Variants in ZNF853 observed in about 807,000 individuals in gnomAD.
ZNF853 encodes the protein zinc finger protein 853.
Under a neutral mutation model 94.7 loss-of-function variants are expected in ZNF853, and 57 were observed. The observed-to-expected ratio is 0.60, with a 90% CI of 0.49 to 0.75. ZNF853 has a LOEUF of 0.75. ZNF853 is among the 30% of genes least tolerant of loss of function. ZNF853 has a pLI of 0.00. For missense variants in ZNF853, 785 were observed against 868.9 expected (o/e 0.90, Z 1.21); for synonymous variants, 448 against 406.3 (o/e 1.10, Z -1.23).
In ZNF853 at chr7:6,617,193, A is replaced by G; in HGVS notation, c.16A>G (p.Thr6Ala). 1 of 1,542,138 alleles carries G rather than the reference A, an allele frequency of 6.5e-7. No homozygotes were observed. Among genetic ancestry groups the G allele is most frequent in the East Asian group, 2.5e-5 (1 of 40,526 alleles). Residue 6 changes from threonine to alanine, a missense_variant, in exon 2 of 3, where the codon ACT becomes GCT. Coordinates refer to ENST00000457543, the MANE Select transcript of ZNF853 (RefSeq NM_017560.3). MLHQP[T>A]PGNRGLTARM... is the part of the protein sequence containing the mutation. ...TGCTTCCTTCCTTTCAGCACAGCCG[A>G]CTCCCGGGAATCGGGGTCTGACCGC... is the stretch of plus-strand genomic sequence containing the variant.
chr7:6,623,108 A>C lies in ZNF853; in HGVS notation c.*137A>C. On this transcript the variant is annotated 3_prime_UTR_variant, in exon 3 of 3. Transcript: ENST00000457543. ...GTAAAAGGCTTCCACCATCATCATC[A>C]TCATCATCTTCCGGATTCCCTGAGA... 2.9e-6 allele frequency: 2 copies of C among 689,684 alleles called. No individual in the cohort carries two copies. The highest frequency in any genetic ancestry group is 4.1e-6 in the Non-Finnish European group (2 of 491,876). The allele number at this position is 689,684 out of a possible 1,614,324, so 42.7% of individuals were successfully genotyped here. A position where few individuals can be genotyped will look rare whatever the true frequency, so the allele number is the denominator to read the frequency against.
At chr7:6,617,783 C>T in intron 2 of ZNF853, 4 of 329,740 alleles carry the variant, frequency 1.2e-5, no homozygotes, top group Non-Finnish European at 1.7e-5. Context: ...ATCTGTTTTT[C>T]TCTACCTGAT....
intron 2 of ZNF853, among the ~76,000 whole-genome samples, chr7:6,620,779 A>T: frequency 6.6e-6 from 1 of 151,878 alleles, no homozygotes; most frequent in African/African-American, 2.4e-5. Flanking sequence ...CTGGCAGCTA[A>T]TTTTTTGTAT....
rs1315628283 is a variant in ZNF853 at position 6,615,691 on chromosome 7, G to GCCCGC, written c.-475_-471dup. ...CAGGGGGACCCGGCCTTGCCGCGGC[G>GCCCGC]CCCGCCCCGCCCCCGCCCCGGCCCC... On this transcript the variant is annotated 5_prime_UTR_variant, in exon 1 of 3. Transcript: ENST00000457543. This position sits in a 1 kb window ranked among gnomAD's most constrained non-coding sequence, Gnocchi z 8.5. The GCCCGC allele has an allele frequency of 1.4e-5, 2 of 142,186 alleles. No individual in the cohort carries two copies. The highest frequency in any genetic ancestry group is 2.1e-4 in the South Asian group (1 of 4,854). 8.8% of individuals were successfully genotyped at this position (142,186 alleles called of 1,614,324 possible). A position where few individuals can be genotyped will look rare whatever the true frequency, so the allele number is the denominator to read the frequency against.
chr7:6,620,357 T>G, intron 2 of ZNF853, among the ~76,000 whole-genome samples: 2 of 152,184 alleles, frequency 1.3e-5, no homozygotes, highest in African/African-American at 4.8e-5. Context: ...GTTGATGGCT[T>G]GGCCGTTGGG....
At chr7:6,619,232 G>A in intron 2 of ZNF853, among the ~76,000 whole-genome samples, 3 of 151,262 alleles carry the variant, frequency 2.0e-5, no homozygotes, top group Non-Finnish European at 4.4e-5. Flanking sequence ...TAGAGACAGG[G>A]TTTCACTATG....
intron 1 of ZNF853, 47 bp from the exon 2 acceptor site, chr7:6,617,143 T>A: frequency 1.4e-6 from 2 of 1,461,216 alleles, no homozygotes; most frequent in Non-Finnish European, 1.8e-6. Flanking sequence ...CTGGCGGGGG[T>A]CAAAGCACTC....
Position 6,622,936 on chromosome 7 carries a change from G to T in ZNF853, c.1945G>T (p.Ala649Ser). The T allele has an allele frequency of 8.0e-7, 1 of 1,251,386 alleles. No homozygotes were observed. Among genetic ancestry groups the T allele is most frequent in the Non-Finnish European group, 1.0e-6 (1 of 1,000,304 alleles). The allele number at this position is 1,251,386 out of a possible 1,614,324, so 77.5% of individuals were successfully genotyped here. A position where few individuals can be genotyped will look rare whatever the true frequency, so the allele number is the denominator to read the frequency against. ...LGGPARAEQA[A>S]TATAPADKAL ...TGGCCCAGCCCGCGCGGAGCAGGCCGCTACAGCCACTGCGCCCGCAGACAA... is the reference window on the plus strand; with the variant it reads ...TGGCCCAGCCCGCGCGGAGCAGGCCTCTACAGCCACTGCGCCCGCAGACAA... Residue 649 changes from alanine (A) to serine (S), a missense_variant, in exon 3 of 3, where the codon GCT (alanine) becomes TCT (serine). Physicochemically the swap from Ala to Ser is moderately conservative, Grantham distance 99. Transcript: ENST00000457543.
intron 1 of ZNF853, 53 bp from the exon 2 acceptor site, chr7:6,617,137 C>CA: frequency 7.0e-7 from 1 of 1,431,188 alleles, no homozygotes; most frequent in Non-Finnish European, 9.4e-7. Flanking sequence ...GGGCACCTGG[C>CA]GGGGGTCAAA....
Position 6,622,098 on chromosome 7 carries a change from G to C in ZNF853, c.1107G>C (p.Glu369Asp). The C allele has an allele frequency of 6.5e-7, 1 of 1,546,520 alleles. No homozygotes were observed. The highest frequency in any genetic ancestry group is 8.7e-7 in the Non-Finnish European group (1 of 1,146,706). Reference protein sequence around the residue: ...LKLQEELQQLEQQLEQQQQQL... With the variant: ...LKLQEELQQLDQQLEQQQQQL... ...TGCAGGAGGAGCTGCAGCAGCTGGA[G>C]CAACAGCTGGAGCAGCAGCAGCAGC... is the stretch of plus-strand genomic sequence containing the variant. The change falls in exon 3 of 3, where the codon GAG (glutamate) becomes GAC (aspartate). Residue 369 changes from glutamate to aspartate, a missense_variant. Physicochemically the swap from Glu to Asp is conservative, Grantham distance 45. Transcript: ENST00000457543.
rs1782620596 is a variant in ZNF853, at chr7:6,621,903, GCAA to G, written c.917_919del (p.Gln306del). 6.4e-7 allele frequency: 1 copy of G among 1,551,080 alleles called. No individual in the cohort carries two copies. The highest frequency in any genetic ancestry group is 1.2e-5 in the South Asian group (1 of 84,026). On this transcript the variant is annotated inframe_deletion, in exon 3 of 3. Transcript: ENST00000457543. ...AACAGCAGCAGGAACAATTGCAGCA[GCAA>G]CAACTGCAGCCTCCTCCCCTGGAGC...
chr7:6,617,416 G>T, intron 2 of ZNF853, 109 bp downstream of exon 2: 1 of 976,914 alleles, frequency 1.0e-6, no homozygotes, highest in Non-Finnish European at 1.4e-6. Context: ...GCCAACCTCA[G>T]CTGCATTGAG....
Position 6,623,580 on chromosome 7 carries a change from T to G in ZNF853, c.*609T>G. 2 of 366,326 alleles carry G rather than the reference T, an allele frequency of 5.5e-6. No homozygotes were observed. Among genetic ancestry groups the G allele is most frequent in the East Asian group, 3.9e-5 (1 of 25,414 alleles). The allele number at this position is 366,326 out of a possible 1,614,324, so 22.7% of individuals were successfully genotyped here. On this transcript the variant is annotated 3_prime_UTR_variant, in exon 3 of 3. Coordinates refer to ENST00000457543, the MANE Select transcript of ZNF853 (RefSeq NM_017560.3). ...GTTCATCAACACAGGGTCAGAGCGC[T>G]CACCGGGTCGATGTGCAAATCCAAG...
chr7:6,618,489 G>T, intron 2 of ZNF853, among the ~76,000 whole-genome samples: 1 of 151,902 alleles, frequency 6.6e-6, no homozygotes, highest in East Asian at 1.9e-4. Context: ...CAGGTGGATC[G>T]CTTGAGCTCA....
chr7:6,621,011 A>C, intron 2 of ZNF853, 111 bp from the exon 3 acceptor site: 5 of 1,338,110 alleles, frequency 3.7e-6, no homozygotes, highest in Non-Finnish European at 4.9e-6. Flanking sequence ...GCTCCTGCTA[A>C]GAGCGTGTTA....
chr7:6,620,984 C>A, intron 2 of ZNF853, 138 bp from the exon 3 acceptor site: 1 of 1,120,998 alleles, frequency 8.9e-7, no homozygotes, highest in Non-Finnish European at 1.2e-6. Flanking sequence ...TATTGTTACT[C>A]GATCCAGCAC....
At position 6,615,918 on chromosome 7, in the gene ZNF853, AG is replaced by A. The variant is rs1782494833; in HGVS notation, c.-256del. 2.8e-6 allele frequency: 1 copy of A among 361,646 alleles called. No homozygotes were observed. Among genetic ancestry groups the A allele is most frequent in the South Asian group, 6.1e-5 (1 of 16,418 alleles). The allele number at this position is 361,646 out of a possible 1,614,324, so 22.4% of individuals were successfully genotyped here. ...GATTCGGGGCCCTGCCTCCCGCCCC[AG>A]CCCCCGCCGGAGAGTCTCCACCAAC... On this transcript the variant is annotated 5_prime_UTR_variant, in exon 1 of 3. Transcript: ENST00000457543. This position sits in a 1 kb window ranked among gnomAD's most constrained non-coding sequence, Gnocchi z 8.5.
intron 1 of ZNF853, 34 bp from the exon 2 acceptor site, chr7:6,617,156 G>A: frequency 3.3e-6 from 5 of 1,518,982 alleles, no homozygotes; most frequent in African/African-American, 2.8e-5. Flanking sequence ...AAGCACTCCA[G>A]CCTGGCTAAA....
chr7:6,621,006 T>G, intron 2 of ZNF853, 116 bp from the exon 3 acceptor site: 1 of 1,319,694 alleles, frequency 7.6e-7, no homozygotes, highest in Non-Finnish European at 1.0e-6. Flanking sequence ...TTCGGGCTCC[T>G]GCTAAGAGCG....
Sources: allele counts gnomAD v4.1 joint callset (sites outside exome capture counted in the v4.1 genomes callset), GRCh38; gene constraint gnomAD v4.1.1; non-coding constraint Gnocchi (gnomAD v3.1); transcripts MANE v1.5; gene names NCBI Gene and HGNC (gene_info 2026-07-23, HGNC 2026-07-21).